The following IGSF10 variants were observed in gnomAD, a reference collection of about 807,000 sequenced individuals.
The protein encoded by IGSF10 is calvaria mechanical force protein 608.
In IGSF10, 126 loss-of-function variants were observed where a neutral mutation model predicts 128.2. The ratio of observed to expected loss-of-function variants is 0.98; its 90% CI spans 0.85 to 1.14. The LOEUF (loss-of-function observed/expected upper bound fraction) is 1.14, where lower values mean the gene tolerates loss of function less well. Among genes scored for constraint, IGSF10 ranks in the 50% most tolerant of loss-of-function variants. The probability of loss-of-function intolerance (pLI) is 0.00; values close to 1 mark genes in which losing one functional copy is unlikely to be tolerated. For missense variants in IGSF10, 3,295 were observed against 3,149.8 expected, an observed-to-expected ratio of 1.05 and a Z score of -1.10; for synonymous variants, 1,185 against 1,146.2, an observed-to-expected ratio of 1.03 and a Z score of -0.68.
At chr3:151,614,220 G>A in the IGSF10 span, among the ~76,000 whole-genome samples, 1 of 152,182 alleles carries the variant, frequency 6.6e-6, no homozygotes, top group Admixed American at 6.5e-5. Flanking sequence ...TACACTGTTG[G>A]TGGGACTGTA....
intron 3 of IGSF10, among the ~76,000 whole-genome samples, chr3:151,458,070 G>A (rs1259329677): frequency 2.6e-5 from 4 of 151,562 alleles, no homozygotes; most frequent in Admixed American, 2.6e-4. Context: ...TTTTAAATAA[G>A]TTTGTATGGA....
At position 151,448,093 on chromosome 3, in the gene IGSF10, ATG is replaced by A. The variant is rs1467157707; in HGVS notation, c.1886_1887del (p.Thr629IlefsTer25). 6.2e-7 allele frequency: 1 copy of A among 1,614,048 alleles called. No individual in the cohort carries two copies. Among genetic ancestry groups the A allele is most frequent in the Non-Finnish European group, 8.5e-7 (1 of 1,180,044 alleles). On this transcript the variant is annotated frameshift_variant, in exon 6 of 8. Coordinates refer to ENST00000282466, the MANE Select transcript of IGSF10 (RefSeq NM_178822.5). LOFTEE classifies it high-confidence loss of function. ...SRDKKVLNNG[T>X]LRILQVTPKD... ...TTCGGGGTGACCTGTAATATTCTTA[ATG>A]TGCCATTGTTTAGAACTTTCTTGTC...
chr3:151,501,806 C>A, the IGSF10 span, among the ~76,000 whole-genome samples: 1 of 151,994 alleles, frequency 6.6e-6, no homozygotes, highest in African/African-American at 2.4e-5. Flanking sequence ...GCTTCCTTGA[C>A]CTTTTCAGAT....
At chr3:151,564,039 T>G in the IGSF10 span, among the ~76,000 whole-genome samples, 1 of 152,190 alleles carries the variant, frequency 6.6e-6, no homozygotes, top group African/African-American at 2.4e-5. Context: ...TTTATGTTCC[T>G]AAACACATCT....
the IGSF10 span, among the ~76,000 whole-genome samples, chr3:151,487,947 C>A: frequency 1.3e-5 from 2 of 152,110 alleles, no homozygotes; most frequent in South Asian, 4.2e-4. Flanking sequence ...TCTCACCACT[C>A]CTATTAAACA....
At chr3:151,613,698 G>A in the IGSF10 span, among the ~76,000 whole-genome samples, 1 of 152,170 alleles carries the variant, frequency 6.6e-6, no homozygotes, top group African/African-American at 2.4e-5. Context: ...AGACTTAAGT[G>A]TTAGACCTAC....
the IGSF10 span, among the ~76,000 whole-genome samples, chr3:151,479,140 A>G: frequency 6.6e-6 from 1 of 152,168 alleles, no homozygotes; most frequent in Non-Finnish European, 1.5e-5. Flanking sequence ...GTAGGAGTTG[A>G]AAGAGCTAAA....
the IGSF10 span, among the ~76,000 whole-genome samples, chr3:151,506,344 C>A: frequency 2.6e-5 from 4 of 152,086 alleles, no homozygotes; most frequent in Non-Finnish European, 5.9e-5. Flanking sequence ...CACCAATTAC[C>A]CTGAACTCCG....
At chr3:151,589,251 G>T in the IGSF10 span, among the ~76,000 whole-genome samples, 27 of 152,280 alleles carry the variant, frequency 1.8e-4, no homozygotes, top group South Asian at 5.2e-3. Context: ...AGTTGGAAGA[G>T]ACATGGTTTC....
At chr3:151,571,016 G>C in the IGSF10 span, among the ~76,000 whole-genome samples, 15 of 152,206 alleles carry the variant, frequency 9.9e-5, no homozygotes, top group East Asian at 7.7e-4. Flanking sequence ...GCTTGTTTTT[G>C]TCAGGTTTGT....
intron 5 of IGSF10, among the ~76,000 whole-genome samples, chr3:151,449,527 A>ACTGGG (rs1721409415): frequency 6.6e-6 from 1 of 152,222 alleles, no homozygotes; most frequent in African/African-American, 2.4e-5. Flanking sequence ...AATGCCTGAT[A>ACTGGG]TATATTTGGT....
At chr3:151,584,894 C>T in the IGSF10 span, among the ~76,000 whole-genome samples, 108 of 152,298 alleles carry the variant, frequency 7.1e-4, 1 homozygote, top group Admixed American at 6.5e-3. Flanking sequence ...TGCAGGTGTG[C>T]TGACCAAGTA....
chr3:151,533,579 G>A, the IGSF10 span, among the ~76,000 whole-genome samples: 1 of 152,188 alleles, frequency 6.6e-6, no homozygotes, highest in Admixed American at 6.5e-5. Context: ...CATAAATGGT[G>A]TTGGGAAAAC....
At chr3:151,508,330 A>G in the IGSF10 span, among the ~76,000 whole-genome samples, 16 of 152,198 alleles carry the variant, frequency 1.1e-4, no homozygotes, top group African/African-American at 3.6e-4. Context: ...AATTAGTTTT[A>G]GTATTGATAA....
the IGSF10 span, among the ~76,000 whole-genome samples, chr3:151,580,623 C>T: frequency 6.6e-6 from 1 of 152,208 alleles, no homozygotes; most frequent in East Asian, 1.9e-4. Flanking sequence ...CTTAATCACC[C>T]ACCAACCATC....
the IGSF10 span, among the ~76,000 whole-genome samples, chr3:151,576,247 G>A: frequency 1.3e-5 from 2 of 151,404 alleles, no homozygotes; most frequent in Non-Finnish European, 2.9e-5. Flanking sequence ...ATACATTTTA[G>A]ACTTTAGCAT....
the IGSF10 span, among the ~76,000 whole-genome samples, chr3:151,471,053 G>C: frequency 6.6e-6 from 1 of 152,108 alleles, no homozygotes; most frequent in Non-Finnish European, 1.5e-5. Context: ...ACCTTGAATT[G>C]TAATAATCCC....
At chr3:151,574,648 T>C in the IGSF10 span, among the ~76,000 whole-genome samples, 1 of 152,212 alleles carries the variant, frequency 6.6e-6, no homozygotes, top group Non-Finnish European at 1.5e-5. Flanking sequence ...TTAGCTTCCT[T>C]GTGATGGGTT....
rs768506258 is a variant in IGSF10 at position 151,446,611 on chromosome 3, G to A, written c.3370C>T (p.Pro1124Ser). 1 of 1,614,124 alleles carries A rather than the reference G, an allele frequency of 6.2e-7. No homozygotes were observed. The highest frequency in any genetic ancestry group is 1.1e-5 in the South Asian group (1 of 91,078). The change falls in exon 6 of 8, where the codon CCC (proline) becomes TCC (serine). Residue 1124 changes from proline (P) to serine (S), a missense_variant. Transcript: ENST00000282466. ...TCAGTCCTGAAATATTTTATTGTGG[G>A]TGTTGTTTTCTCTACACTGGGTTTG... The part of the protein sequence containing the change: ...ENKPSVEKTT[P>S]TIKYFRTEIS...
Sources: gnomAD v4.1 joint callset for allele counts (sites outside exome capture counted in the v4.1 genomes callset) on GRCh38, gnomAD v4.1.1 for gene constraint, MANE v1.5 for transcripts, NCBI Gene and HGNC (gene_info 2026-07-23, HGNC 2026-07-21) for gene names.